Variants in COPA observed in about 807,000 individuals in gnomAD.
COPA encodes the protein coat protein complex I subunit alpha.
A neutral mutation model predicts 158.7 loss-of-function variants in COPA; 10 were observed. The observed-to-expected ratio is 0.06, with a 90% confidence interval of 0.04 to 0.11. COPA has a LOEUF of 0.11. Among genes scored for constraint, COPA ranks in the 10% least tolerant of loss-of-function variants. COPA has a pLI of 1.00. For missense variants in COPA, 1,065 were observed against 1,536.7 expected (o/e 0.69, Z 5.13); for synonymous variants, 462 against 542.8 (o/e 0.85, Z 2.07).
intron 6 of COPA, 151 bp downstream of exon 6, chr1:160,332,297 A>G (rs1647564286): frequency 2.1e-6 from 1 of 470,706 alleles, no homozygotes; most frequent in Non-Finnish European, 3.7e-6. Flanking sequence ...GAACCATCAA[A>G]GCAAATTCAA....
rs546187691 is a variant in COPA at position 160,317,192 on chromosome 1, G to A, written c.707-3067C>T. ...TATTTCCCATACAAACAAAAGGTGA[G>A]AATTTACCACCACCAGATCCATCTT... On this transcript the variant is annotated intron_variant, in intron 8 of 32. Transcript: ENST00000241704. Among the ~76,000 whole-genome samples, 383 of 152,286 alleles carry A rather than the reference G, an allele frequency of 2.5e-3. 2 individuals carry two copies. Among genetic ancestry groups the A allele is most frequent in the Non-Finnish European group, 4.8e-3 (324 of 68,022 alleles).
At chr1:160,295,615 A>G (rs2101825400) in intron 23 of COPA, 121 bp downstream of exon 23, 1 of 1,015,382 alleles carries the variant, frequency 9.8e-7, no homozygotes, top group Non-Finnish European at 1.4e-6. Context: ...TGGCATTTCA[A>G]TATTCCATTA....
Position 160,293,442 on chromosome 1 carries a change from C to A in COPA, c.2698G>T (p.Gly900Cys). 6.2e-7 allele frequency: 1 copy of A among 1,607,400 alleles called. No individual in the cohort carries two copies. The highest frequency in any genetic ancestry group is 8.5e-7 in the Non-Finnish European group (1 of 1,177,856). ...ACAAAGAAACCATCTTCAGCCCCAC[C>A]AGCTGCCCCAGGGGATATATCCTAG... The part of the protein sequence containing the change: ...PELDISPGAA[G>C]GAEDGFFVPP... Residue 900 changes from glycine (G) to cysteine (C), a missense_variant, in exon 26 of 33, where the codon GGT (glycine) becomes TGT (cysteine). Gly to Cys is a radical substitution (Grantham distance 159, BLOSUM62 -3). Coordinates refer to ENST00000241704, the MANE Select transcript of COPA (RefSeq NM_004371.4).
chr1:160,309,230 G>T, intron 12 of COPA, 54 bp from the exon 13 acceptor site: 1 of 1,353,652 alleles, frequency 7.4e-7, no homozygotes, highest in Non-Finnish European at 1.1e-6. Flanking sequence ...CAAGATACCA[G>T]TTTTCCAATT....
intron 8 of COPA, chr1:160,317,481 T>C: frequency 6.2e-7 from 1 of 1,609,658 alleles, no homozygotes. Context: ...TCAAAGTCAT[T>C]GGACAGGATA....
chr1:160,318,495 A>AAAAAAAAAAT (rs1659230166), intron 8 of COPA, among the ~76,000 whole-genome samples: 1 of 139,128 alleles, frequency 7.2e-6, no homozygotes, highest in African/African-American at 2.8e-5. Flanking sequence ...AAAAAAACAA[A>AAAAAAAAAAT]AAAAAAAAAA....
At chr1:160,338,439 T>C (rs1014681148) in intron 3 of COPA, among the ~76,000 whole-genome samples, 1 of 152,238 alleles carries the variant, frequency 6.6e-6, no homozygotes, top group African/African-American at 2.4e-5. Flanking sequence ...TTGAAGTTGC[T>C]TATGAAAAGA....
At chr1:160,339,675 C>T in intron 3 of COPA, 1 of 452,528 alleles carries the variant, frequency 2.2e-6, no homozygotes, top group Non-Finnish European at 4.0e-6. Context: ...AGAATAAAAG[C>T]TCCTTGAAAA....
intron 6 of COPA, among the ~76,000 whole-genome samples, chr1:160,330,121 C>A (rs571169792): frequency 2.0e-5 from 3 of 150,520 alleles, no homozygotes; most frequent in Non-Finnish European, 4.4e-5. Context: ...CCCACCGCCA[C>A]CCCCCCCAAA....
rs556779157 is a variant in COPA at position 160,317,937 on chromosome 1, C to T, written c.707-3812G>A. 2.0e-5 allele frequency among the ~76,000 whole-genome samples: 3 copies of T among 152,228 alleles called. No individual in the cohort carries two copies. In the East Asian group the frequency reaches 5.8e-4, roughly 29 times the overall value. On this transcript the variant is annotated intron_variant, in intron 8 of 32. Coordinates refer to ENST00000241704, the MANE Select transcript of COPA (RefSeq NM_004371.4). ...ATTACCCTCTCCTTTTTAAAAATTA[C>T]GTGTGCACAGAGAGCCCACCTTTTT...
intron 8 of COPA, among the ~76,000 whole-genome samples, chr1:160,316,009 C>G (rs1175087336): frequency 1.3e-5 from 2 of 152,190 alleles, no homozygotes; most frequent in Non-Finnish European, 2.9e-5. Context: ...CTCTGAATAG[C>G]AGACTGGACC....
rs878906140 is a variant in COPA at position 160,318,475 on chromosome 1, A to AC, written c.707-4351_707-4350insG. ...TAAAATAAACAATATTTGTAAAAAA[A>AC]AAAAAAAAAAAAAAAACAAAAAAAA... On this transcript the variant is annotated intron_variant, in intron 8 of 32. Coordinates refer to ENST00000241704, the MANE Select transcript of COPA (RefSeq NM_004371.4). Among the ~76,000 whole-genome samples the AC allele has an allele frequency of 3.9e-3, 351 of 89,626 alleles. 2 individuals are homozygous for AC. Among genetic ancestry groups the AC allele is most frequent in the East Asian group, 0.031 (107 of 3,484 alleles). 58.8% of individuals were successfully genotyped at this position (89,626 alleles called of 152,430 possible). A position where few individuals can be genotyped will look rare whatever the true frequency, so the allele number is the denominator to read the frequency against.
At chr1:160,340,354 C>T in intron 1 of COPA, 60 bp from the exon 2 acceptor site, 1 of 1,060,374 alleles carries the variant, frequency 9.4e-7, no homozygotes, top group South Asian at 1.3e-5. Context: ...CACCTTCTGT[C>T]AATTCTGATA....
In COPA at chr1:160,290,697, G is replaced by T; in HGVS notation, c.3421-11C>A. On this transcript the variant is annotated splice_polypyrimidine_tract_variant and intron_variant, in intron 31 of 32. Transcript: ENST00000241704. ...CAGGATTTTTCGGGTCTAGGGGAAG[G>T]AAGGAGTATTTAGGAGGACAGAAGG... The T allele has an allele frequency of 6.2e-7, 1 of 1,613,604 alleles. No homozygotes were observed. Among genetic ancestry groups the T allele is most frequent in the Non-Finnish European group, 8.5e-7 (1 of 1,179,768 alleles).
At chr1:160,316,257 C>T (rs913228648) in intron 8 of COPA, among the ~76,000 whole-genome samples, 3 of 151,866 alleles carry the variant, frequency 2.0e-5, no homozygotes, top group Non-Finnish European at 2.9e-5. Flanking sequence ...ACTTGGGAGG[C>T]TGAGGCAGGA....
Position 160,289,392 on chromosome 1 carries a change from G to C in COPA, c.*765C>G, listed in dbSNP as rs1658144550. The C allele has an allele frequency of 6.6e-6, 1 of 152,062 alleles. No homozygotes were observed. Among genetic ancestry groups the C allele is most frequent in the Non-Finnish European group, 1.5e-5 (1 of 68,008 alleles). The allele number at this position is 152,062 out of a possible 1,614,324, so 9.4% of individuals were successfully genotyped here. On this transcript the variant is annotated 3_prime_UTR_variant, in exon 33 of 33. Transcript: ENST00000241704. ...AACCAAATAACTTCTTCAAATTTCTGAGTACACAGAGGGTACCTGCCTTGA... is the reference window on the plus strand; with the variant it reads ...AACCAAATAACTTCTTCAAATTTCTCAGTACACAGAGGGTACCTGCCTTGA...
In COPA at chr1:160,297,710, C is replaced by T. The variant is rs771217097; in HGVS notation, c.2013G>A (p.Lys671=). 2 of 1,614,028 alleles carry T rather than the reference C, an allele frequency of 1.2e-6. No individual in the cohort carries two copies. The highest frequency in any genetic ancestry group is 4.5e-5 in the East Asian group (2 of 44,900). ...CTTCTCCCAGCTTTTCCCAGCAGTTCTTGTCATCCAGTGCTTTGGCTGCTT... is the reference window on the plus strand; with the variant it reads ...CTTCTCCCAGCTTTTCCCAGCAGTTTTTGTCATCCAGTGCTTTGGCTGCTT... ...ALEAAKALDD[K]NCWEKLGEVA... is the part of the protein sequence containing the mutation. Residue 671 remains lysine, a synonymous_variant, in exon 20 of 33, where the codon AAG becomes AAA. Transcript: ENST00000241704.
At chr1:160,301,060 G>A (rs1380136832) in intron 17 of COPA, among the ~76,000 whole-genome samples, 2 of 152,090 alleles carry the variant, frequency 1.3e-5, no homozygotes, top group Non-Finnish European at 2.9e-5. Context: ...GGAGGTTGCA[G>A]TGAGCTGAGG....
Position 160,310,185 on chromosome 1 carries a change from T to C in COPA, c.1143+7A>G. ...GAGAACCTAGGAGGGCTCCACAGGT[T>C]ACTTACTGTACAAAGCAGGACTGCA... On this transcript the variant is annotated splice_region_variant and intron_variant, in intron 12 of 32. Transcript: ENST00000241704. The C allele has an allele frequency of 6.4e-7, 1 of 1,563,806 alleles. No individual in the cohort carries two copies. The highest frequency in any genetic ancestry group is 8.7e-7 in the Non-Finnish European group (1 of 1,155,238).
Sources: gnomAD v4.1 joint callset for allele counts (sites outside exome capture counted in the v4.1 genomes callset) on GRCh38, gnomAD v4.1.1 for gene constraint, MANE v1.5 for transcripts, NCBI Gene and HGNC (gene_info 2026-07-23, HGNC 2026-07-21) for gene names.